NPM2: variants seen among roughly 807,000 people sequenced by gnomAD.
The protein encoded by NPM2 is nucleoplasmin-2.
NPM2 carries 25 observed loss-of-function variants against 32.0 expected under a neutral mutation model. That is an observed-to-expected ratio of 0.78 (90% CI 0.57 to 1.09). NPM2 has a LOEUF of 1.09. Among genes scored for constraint, NPM2 ranks in the 50% least tolerant of loss-of-function variants. NPM2 has a pLI of 0.00. For synonymous variants in NPM2, 111 were observed against 94.2 expected (o/e 1.18, Z -1.04); for missense variants, 282 against 259.9 (o/e 1.08, Z -0.58).
Position 22,031,743 on chromosome 8 carries a change from C to T in NPM2, c.271-1387C>T, listed in dbSNP as rs557958848. Among the ~76,000 whole-genome samples, 15 of 152,290 alleles carry T rather than the reference C, an allele frequency of 9.8e-5. No individual in the cohort carries two copies. In the South Asian group the frequency reaches 3.1e-3, roughly 32 times the overall value. On this transcript the variant is annotated intron_variant, in intron 5 of 9. Transcript: ENST00000518119. Reference sequence around the variant, plus strand: ...TTACAGGCATGAGCCACCGTGCGTGCTCGGCCTGTGTGTGAGTTTTGAAGC... The same window carrying T: ...TTACAGGCATGAGCCACCGTGCGTGTTCGGCCTGTGTGTGAGTTTTGAAGC...
At chr8:22,030,024 C>T (rs2117455227) in intron 5 of NPM2, among the ~76,000 whole-genome samples, 1 of 152,088 alleles carries the variant, frequency 6.6e-6, no homozygotes, top group Non-Finnish European at 1.5e-5. Context: ...GGTTGTTTTT[C>T]CTTTGAATAT....
At chr8:22,025,409 C>T in intron 3 of NPM2, 27 bp from the exon 4 acceptor site, 1 of 1,610,296 alleles carries the variant, frequency 6.2e-7, no homozygotes. Flanking sequence ...ATGGAGGGCC[C>T]CACTTCCCTC....
chr8:22,031,735 C>T (rs1413891145), intron 5 of NPM2, among the ~76,000 whole-genome samples: 2 of 152,200 alleles, frequency 1.3e-5, no homozygotes, highest in South Asian at 2.1e-4. Flanking sequence ...CATGAGCCAC[C>T]GTGCGTGCTC....
intron 5 of NPM2, among the ~76,000 whole-genome samples, chr8:22,032,458 A>C (rs545693950): frequency 3.9e-5 from 6 of 152,318 alleles, no homozygotes; most frequent in African/African-American, 1.4e-4. Context: ...TGATGTGAAG[A>C]AAGCAAGCAG....
chr8:22,032,403 G>C (rs1444971126), intron 5 of NPM2, among the ~76,000 whole-genome samples: 1 of 152,170 alleles, frequency 6.6e-6, no homozygotes, highest in Non-Finnish European at 1.5e-5. Flanking sequence ...CGTGTGTAAG[G>C]TGTGCCTCCC....
chr8:22,035,731 C>T (rs1443415104), intron 8 of NPM2, among the ~76,000 whole-genome samples: 1 of 152,114 alleles, frequency 6.6e-6, no homozygotes, highest in Admixed American at 6.5e-5. Context: ...GTCAGGAGTT[C>T]AAGACCAGCC....
rs1408917335 is a variant in NPM2, at chr8:22,033,139, G to A, written c.280G>A (p.Val94Ile). The change falls in exon 6 of 10, where the codon GTA becomes ATA. Residue 94 changes from valine to isoleucine, a missense_variant. By Grantham distance (29) the Val-to-Ile change is conservative (BLOSUM62 3). Coordinates refer to ENST00000518119, the MANE Select transcript of NPM2 (RefSeq NM_001286680.2). ...CTTCCTCCCCCTGCAGGTCTCCATG[G>A]TAGGAGTGCAGCTTTCTCCCCCAGT... The part of the protein sequence containing the change: ...QASVLPMVSM[V>I]GVQLSPPVTF... The A allele has an allele frequency of 1.2e-6, 2 of 1,613,872 alleles. No homozygotes were observed. The highest frequency in any genetic ancestry group is 1.7e-6 in the Non-Finnish European group (2 of 1,179,912).
chr8:22,035,661 C>T (rs753006565), intron 8 of NPM2, among the ~76,000 whole-genome samples: 8 of 152,112 alleles, frequency 5.3e-5, no homozygotes, highest in African/African-American at 1.4e-4. Context: ...AGGCCGGGTA[C>T]GGTGGCTCAC....
intron 8 of NPM2, chr8:22,036,254 C>G: frequency 2.1e-6 from 1 of 484,826 alleles, no homozygotes; most frequent in Non-Finnish European, 3.7e-6. Context: ...ATCTCAAAAA[C>G]AAAACAAAAC....
At chr8:22,034,440 G>T in intron 7 of NPM2, 70 bp from the exon 8 acceptor site, 2 of 1,465,760 alleles carry the variant, frequency 1.4e-6, no homozygotes, top group South Asian at 2.4e-5. Flanking sequence ...GGACCTTGTG[G>T]ACTTTGGGAA....
intron 5 of NPM2, among the ~76,000 whole-genome samples, chr8:22,030,345 C>T (rs1185571892): frequency 6.6e-6 from 1 of 152,046 alleles, no homozygotes; most frequent in East Asian, 1.9e-4. Context: ...CTCAAGTGAT[C>T]CTCCCACTCA....
At chr8:22,031,388 C>T (rs895236037) in intron 5 of NPM2, among the ~76,000 whole-genome samples, 2 of 152,218 alleles carry the variant, frequency 1.3e-5, no homozygotes, top group Non-Finnish European at 2.9e-5. Flanking sequence ...GTCTCAGCTA[C>T]AACTCTCCTC....
intron 8 of NPM2, 94 bp downstream of exon 8, chr8:22,034,638 A>T: frequency 2.1e-5 from 22 of 1,047,558 alleles, no homozygotes; most frequent in Non-Finnish European, 3.2e-5. Context: ...ACGTGTACAA[A>T]TGTACACACG....
chr8:22,033,151 C>G lies in NPM2; in HGVS notation c.292C>G (p.Leu98Val). ...LPMVSMVGVQ[L>V]SPPVTFQLRA... ...GCAGGTCTCCATGGTAGGAGTGCAG[C>G]TTTCTCCCCCAGTTACTTTCCAGCT... is the stretch of plus-strand genomic sequence containing the variant. Residue 98 changes from leucine to valine, a missense_variant, in exon 6 of 10, where the codon CTT becomes GTT. Leu to Val is a conservative substitution (Grantham distance 32). Coordinates refer to ENST00000518119, the MANE Select transcript of NPM2 (RefSeq NM_001286680.2). 1 of 1,614,116 alleles carries G rather than the reference C, an allele frequency of 6.2e-7. No individual in the cohort carries two copies. The highest frequency in any genetic ancestry group is 8.5e-7 in the Non-Finnish European group (1 of 1,179,982).
intron 5 of NPM2, among the ~76,000 whole-genome samples, chr8:22,030,805 C>G (rs981977356): frequency 1.3e-5 from 2 of 152,076 alleles, no homozygotes; most frequent in Non-Finnish European, 2.9e-5. Flanking sequence ...TCAGCCCCCC[C>G]GAGTAGCCTG....
intron 5 of NPM2, among the ~76,000 whole-genome samples, chr8:22,031,907 G>A (rs761165763): frequency 4.6e-5 from 7 of 151,976 alleles, no homozygotes; most frequent in Non-Finnish European, 2.9e-5. Context: ...TTTTATGTAC[G>A]AGGATTCTTC....
At chr8:22,033,521 C>A (rs1431412102) in intron 6 of NPM2, among the ~76,000 whole-genome samples, 1 of 152,154 alleles carries the variant, frequency 6.6e-6, no homozygotes, top group East Asian at 1.9e-4. Context: ...CACTAGGGAA[C>A]CACTGTTCAG....
chr8:22,033,391 T>C (rs956025061), intron 6 of NPM2, among the ~76,000 whole-genome samples, 168 bp downstream of exon 6: 2 of 152,218 alleles, frequency 1.3e-5, no homozygotes, highest in Non-Finnish European at 2.9e-5. Context: ...CGCTGGTCCC[T>C]GTTCTTCTTC....
At chr8:22,031,127 TCA>T in intron 5 of NPM2, among the ~76,000 whole-genome samples, 1 of 152,346 alleles carries the variant, frequency 6.6e-6, no homozygotes, top group East Asian at 1.9e-4. Flanking sequence ...TTGGCAGTAC[TCA>T]CTGAGTAAAT....
Sources: allele counts gnomAD v4.1 joint callset (sites outside exome capture counted in the v4.1 genomes callset), GRCh38; gene constraint gnomAD v4.1.1; transcripts MANE v1.5; gene names NCBI Gene and HGNC (gene_info 2026-07-23, HGNC 2026-07-21).